Variants in PPP1R13B observed in about 807,000 individuals in gnomAD.
PPP1R13B encodes protein phosphatase 1 regulatory subunit 13B.
A neutral mutation model predicts 119.8 loss-of-function variants in PPP1R13B; 44 were observed. The ratio of observed to expected loss-of-function variants is 0.37; its 90% CI spans 0.29 to 0.47. The LOEUF (loss-of-function observed/expected upper bound fraction) is 0.47. PPP1R13B is among the 20% of genes least tolerant of loss of function. The pLI, the probability that PPP1R13B is intolerant of heterozygous loss-of-function variation, is 0.99. For synonymous variants in PPP1R13B, 542 were observed against 561.5 expected, an observed-to-expected ratio of 0.97 and a Z score of 0.49; for missense variants, 1,227 against 1,413.5, an observed-to-expected ratio of 0.87 and a Z score of 2.12.
intron 4 of PPP1R13B, among the ~76,000 whole-genome samples, chr14:103,758,958 CTT>C (rs10712106): frequency 3.0e-4 from 43 of 144,812 alleles, no homozygotes; most frequent in East Asian, 8.0e-4. Context: ...ATTTAACAGT[CTT>C]TTTTTTTTTT....
rs189997328 is a variant in PPP1R13B, at chr14:103,798,565, A to G, written c.10-1047T>C. On this transcript the variant is annotated intron_variant, in intron 1 of 16. Transcript: ENST00000202556. ...AAGCGCTCCTAAAAAATGATAACAGAAAGACCAAAAATCCAATTCCTTTAA... is the reference window on the plus strand; with the variant it reads ...AAGCGCTCCTAAAAAATGATAACAGGAAGACCAAAAATCCAATTCCTTTAA... Among the ~76,000 whole-genome samples the G allele has an allele frequency of 4.4e-3, 674 of 152,288 alleles. 4 individuals carry two copies. Among genetic ancestry groups the G allele is most frequent in the Middle Eastern group, 0.014 (4 of 294 alleles).
At chr14:103,833,025 T>C (rs1275288709) in intron 1 of PPP1R13B, among the ~76,000 whole-genome samples, 2 of 152,042 alleles carry the variant, frequency 1.3e-5, no homozygotes, top group African/African-American at 4.8e-5. Flanking sequence ...AGTTTCAGTT[T>C]GAGAAGATGC....
At chr14:103,762,715 T>C (rs933320948) in intron 4 of PPP1R13B, 4 of 630,866 alleles carry the variant, frequency 6.3e-6, no homozygotes, top group Non-Finnish European at 1.2e-5. Context: ...TCCCTGGGTG[T>C]CGGCGGTGGC....
chr14:103,841,771 A>G (rs2086915334), intron 1 of PPP1R13B, among the ~76,000 whole-genome samples: 1 of 152,200 alleles, frequency 6.6e-6, no homozygotes, highest in African/African-American at 2.4e-5. Flanking sequence ...CGGAAATGAA[A>G]GAGTTTACTA....
chr14:103,734,301 T>C lies in PPP1R13B; in HGVS notation c.*853A>G. The C allele has an allele frequency of 2.9e-6, 1 of 345,152 alleles. No homozygotes were observed. Among genetic ancestry groups the C allele is most frequent in the Non-Finnish European group, 5.8e-6 (1 of 172,982 alleles). 21.4% of individuals were successfully genotyped at this position (345,152 alleles called of 1,614,324 possible). Reference sequence around the variant, plus strand: ...CAGCCCCGTCTACCTGGCCCTGGTCTGCCCTCACACCAGTCCACCCCCAGC... The same window carrying C: ...CAGCCCCGTCTACCTGGCCCTGGTCCGCCCTCACACCAGTCCACCCCCAGC... On this transcript the variant is annotated 3_prime_UTR_variant, in exon 17 of 17. Coordinates refer to ENST00000202556, the MANE Select transcript of PPP1R13B (RefSeq NM_015316.3).
intron 1 of PPP1R13B, among the ~76,000 whole-genome samples, chr14:103,817,256 A>G (rs566806326): frequency 2.3e-4 from 35 of 152,336 alleles, no homozygotes; most frequent in African/African-American, 8.4e-4. Flanking sequence ...GTTACTGCAC[A>G]GTGACATGGT....
At chr14:103,779,352 T>C (rs1489873125) in intron 3 of PPP1R13B, among the ~76,000 whole-genome samples, 1 of 152,154 alleles carries the variant, frequency 6.6e-6, no homozygotes, top group Non-Finnish European at 1.5e-5. Flanking sequence ...GTAAATGAAA[T>C]CTTTTCTTTT....
At chr14:103,739,064 A>G (rs2084182474) in intron 12 of PPP1R13B, 41 bp from the exon 13 acceptor site, 5 of 1,587,564 alleles carry the variant, frequency 3.1e-6, no homozygotes, top group East Asian at 4.5e-5. Context: ...AAGGTGGTCC[A>G]CTGAAGTCTA....
chr14:103,839,487 C>A (rs938426740), intron 1 of PPP1R13B, among the ~76,000 whole-genome samples: 5 of 151,852 alleles, frequency 3.3e-5, no homozygotes, highest in Non-Finnish European at 7.4e-5. Flanking sequence ...ATTAGCCGGG[C>A]GTGGTGGTGC....
chr14:103,828,914 C>T (rs2152075318), intron 1 of PPP1R13B, among the ~76,000 whole-genome samples: 1 of 152,266 alleles, frequency 6.6e-6, no homozygotes, highest in Admixed American at 6.5e-5. Context: ...GATAAAGGTC[C>T]TCCTCTTACC....
intron 4 of PPP1R13B, among the ~76,000 whole-genome samples, chr14:103,775,220 G>A (rs1424301901): frequency 6.6e-6 from 1 of 151,684 alleles, no homozygotes; most frequent in East Asian, 1.9e-4. Flanking sequence ...AATCTTCCCT[G>A]AAGTTCAGGT....
Position 103,740,091 on chromosome 14 carries a change from G to C in PPP1R13B, c.2325C>G (p.Ala775=), listed in dbSNP as rs531566495. 1.2e-6 allele frequency: 2 copies of C among 1,613,918 alleles called. No individual in the cohort carries two copies. Among genetic ancestry groups the C allele is most frequent in the Admixed American group, 1.7e-5 (1 of 60,024 alleles). Residue 775 remains alanine, a synonymous_variant, in exon 12 of 17, where the codon GCC becomes GCG. Coordinates refer to ENST00000202556, the MANE Select transcript of PPP1R13B (RefSeq NM_015316.3). This position sits in a 1 kb window ranked among gnomAD's most constrained non-coding sequence, Gnocchi z 4.6. Reference sequence around the variant, plus strand: ...CAGCGGGGAGTGGGGCTGTGGGCTGGGCAGGGGGGAGCTCTTCCAGGTTTC... The same window carrying C: ...CAGCGGGGAGTGGGGCTGTGGGCTGCGCAGGGGGGAGCTCTTCCAGGTTTC... ...ANGNLEELPP[A]QPTAPLPAEP... is the part of the protein sequence containing the mutation.
intron 1 of PPP1R13B, among the ~76,000 whole-genome samples, chr14:103,838,945 AT>A (rs1211723940): frequency 6.6e-6 from 1 of 152,194 alleles, no homozygotes. Context: ...GGCAATGACT[AT>A]TACTCAGAAC....
rs191631222 is a variant in PPP1R13B, at chr14:103,799,353, T to A, written c.10-1835A>T. 7.3e-4 allele frequency among the ~76,000 whole-genome samples: 111 copies of A among 152,138 alleles called. 1 individual carries two copies. Among genetic ancestry groups the A allele is most frequent in the Non-Finnish European group, 1.1e-3 (77 of 68,006 alleles). ...GTCACTACGCCCGGCTAATTTTTTG[T>A]ATTTTCAGTAGAGACGGGGTTTCAC... On this transcript the variant is annotated intron_variant, in intron 1 of 16. Transcript: ENST00000202556.
chr14:103,778,922 A>T (rs2085274161), intron 3 of PPP1R13B, 101 bp from the exon 4 acceptor site: 7 of 900,086 alleles, frequency 7.8e-6, no homozygotes, highest in Non-Finnish European at 1.1e-5. Flanking sequence ...ACACAAGTGT[A>T]AAATACCAGG....
intron 9 of PPP1R13B, among the ~76,000 whole-genome samples, chr14:103,745,274 C>T (rs1031013917): frequency 2.6e-5 from 4 of 152,216 alleles, no homozygotes; most frequent in African/African-American, 9.6e-5. Flanking sequence ...GCTGTCCCTC[C>T]TGGGGGCCAG....
chr14:103,843,884 C>T (rs531241068), intron 1 of PPP1R13B, among the ~76,000 whole-genome samples: 2 of 150,414 alleles, frequency 1.3e-5, no homozygotes, highest in African/African-American at 4.9e-5. Context: ...ACCCAGGAGG[C>T]AGAGGTTGCA....
At chr14:103,782,809 CTT>C (rs960113180) in intron 3 of PPP1R13B, among the ~76,000 whole-genome samples, 1 of 145,546 alleles carries the variant, frequency 6.9e-6, no homozygotes. Context: ...TTCTACTAAG[CTT>C]TTTTTTTTTG....
chr14:103,811,094 CAAAA>C (rs36017203), intron 1 of PPP1R13B, among the ~76,000 whole-genome samples: 236 of 65,870 alleles, frequency 3.6e-3, no homozygotes, highest in African/African-American at 9.5e-3. Flanking sequence ...GACTCCTCCT[CAAAA>C]AAAAAAAAAA....
Sources: allele counts gnomAD v4.1 joint callset (sites outside exome capture counted in the v4.1 genomes callset), GRCh38; gene constraint gnomAD v4.1.1; non-coding constraint Gnocchi (gnomAD v3.1); transcripts MANE v1.5; gene names NCBI Gene and HGNC (gene_info 2026-07-23, HGNC 2026-07-21).